SLC22A5: variants seen among roughly 807,000 people sequenced by gnomAD.
The protein encoded by SLC22A5 is organic cation/carnitine transporter 2.
SLC22A5 carries 44 observed loss-of-function variants against 56.7 expected under a neutral mutation model. The ratio of observed to expected loss-of-function variants is 0.78; its 90% CI spans 0.61 to 1.00. SLC22A5 has a LOEUF of 1.00. SLC22A5 is among the 50% of genes least tolerant of loss of function. The pLI, the probability that SLC22A5 is intolerant of heterozygous loss-of-function variation, is 0.00. For synonymous variants in SLC22A5, 278 were observed against 292.1 expected, an observed-to-expected ratio of 0.95 and a Z score of 0.49; for missense variants, 675 against 723.0, an observed-to-expected ratio of 0.93 and a Z score of 0.76.
At chr5:132,378,346 T>G in intron 1 of SLC22A5, 32 bp from the exon 2 acceptor site, 1 of 1,611,770 alleles carries the variant, frequency 6.2e-7, no homozygotes, top group Non-Finnish European at 8.5e-7. Flanking sequence ...TAAAAAGAAG[T>G]GAATGATACA....
Position 132,369,819 on chromosome 5 carries a change from C to T in SLC22A5, c.-154C>T, listed in dbSNP as rs1003593592. 5 of 944,290 alleles carry T rather than the reference C, an allele frequency of 5.3e-6. No individual in the cohort carries two copies. In the African/African-American group the frequency reaches 8.7e-5, roughly 17 times the overall value. The allele number at this position is 944,290 out of a possible 1,614,324, so 58.5% of individuals were successfully genotyped here. ...AAGGCCAGCCGCGGCAGGACCAAGGCGGCGGTGTCAGCTCGCGAGCCTACC... is the reference window on the plus strand; with the variant it reads ...AAGGCCAGCCGCGGCAGGACCAAGGTGGCGGTGTCAGCTCGCGAGCCTACC... On this transcript the variant is annotated 5_prime_UTR_variant, in exon 1 of 10. Coordinates refer to ENST00000245407, the MANE Select transcript of SLC22A5 (RefSeq NM_003060.4).
chr5:132,387,199 T>A, intron 5 of SLC22A5, 48 bp downstream of exon 5: 1 of 1,612,436 alleles, frequency 6.2e-7, no homozygotes, highest in Non-Finnish European at 8.5e-7. Context: ...GACCGTGATT[T>A]GAGAGCAGCA....
Position 132,393,731 on chromosome 5 carries a change from A to G in SLC22A5, c.1506A>G (p.Thr502=), listed in dbSNP as rs2126792698. 6.2e-7 allele frequency: 1 copy of G among 1,614,134 alleles called. No homozygotes were observed. The highest frequency in any genetic ancestry group is 1.1e-5 in the South Asian group (1 of 91,084). ...YILMGSLTIL[T]AILTLFLPES... ...TCATGGGAAGTCTGACCATCCTGAC[A>G]GCCATCCTCACCTTGTTTCTCCCAG... Residue 502 remains threonine, a synonymous_variant, in exon 9 of 10, where the codon ACA becomes ACG. Transcript: ENST00000245407.
At chr5:132,377,552 T>C (rs1752188774) in intron 1 of SLC22A5, 1 of 152,488 alleles carries the variant, frequency 6.6e-6, no homozygotes, top group African/African-American at 2.4e-5. Flanking sequence ...TCCAAGCGTC[T>C]GGCTGCTTCC....
intron 1 of SLC22A5, chr5:132,377,864 T>G: frequency 2.6e-6 from 1 of 384,946 alleles, no homozygotes; most frequent in Non-Finnish European, 4.7e-6. Flanking sequence ...GACCCGGGGG[T>G]CATTGGCCCA....
At chr5:132,392,374 C>A in intron 7 of SLC22A5, 59 bp from the exon 8 acceptor site, 1 of 1,484,626 alleles carries the variant, frequency 6.7e-7, no homozygotes, top group Non-Finnish European at 9.4e-7. Context: ...GTTTTGCTCT[C>A]AATAGCTGCA....
rs553647459 is a variant in SLC22A5 at position 132,370,009 on chromosome 5, G to A, written c.37G>A (p.Glu13Lys). The A allele has an allele frequency of 1.2e-6, 2 of 1,613,318 alleles. No homozygotes were observed. The highest frequency in any genetic ancestry group is 3.3e-5 in the Admixed American group (2 of 60,014). ...DYDEVTAFLG[E>K]WGPFQRLIFF... ...CGACGAGGTGACCGCCTTCCTGGGC[G>A]AGTGGGGGCCCTTCCAGCGCCTCAT... The change falls in exon 1 of 10, where the codon GAG (glutamate) becomes AAG (lysine). Residue 13 changes from glutamate (E) to lysine (K), a missense_variant. Coordinates refer to ENST00000245407, the MANE Select transcript of SLC22A5 (RefSeq NM_003060.4).
intron 6 of SLC22A5, chr5:132,389,249 A>T (rs1283327651): frequency 3.8e-6 from 2 of 521,290 alleles, no homozygotes; most frequent in Non-Finnish European, 7.0e-6. Context: ...TGTGGGAAAT[A>T]TGGACTCTTG....
intron 8 of SLC22A5, 44 bp from the exon 9 acceptor site, chr5:132,393,632 C>T (rs1752779254): frequency 6.2e-7 from 1 of 1,612,804 alleles, no homozygotes; most frequent in African/African-American, 1.3e-5. Flanking sequence ...GAGACCAAGT[C>T]TAACTGCAGC....
chr5:132,392,783 G>T (rs1408747603), intron 8 of SLC22A5, among the ~76,000 whole-genome samples, 168 bp downstream of exon 8: 1 of 152,186 alleles, frequency 6.6e-6, no homozygotes, highest in Non-Finnish European at 1.5e-5. Context: ...CAGTGCACTG[G>T]CCCTCACTTT....
At position 132,385,621 on chromosome 5, in the gene SLC22A5, A is replaced by T. The variant is rs892274340; in HGVS notation, c.824+122A>T. On this transcript the variant is annotated intron_variant, in intron 4 of 9. Coordinates refer to ENST00000245407, the MANE Select transcript of SLC22A5 (RefSeq NM_003060.4). ...CTCCCAGAGACAGGAAGCATAGATT[A>T]TAAATTATTTCAGAATGTTTTCTCC... 40 of 828,780 alleles carry T rather than the reference A, an allele frequency of 4.8e-5. No individual in the cohort carries two copies. In the Admixed American group the frequency reaches 7.6e-4, roughly 16 times the overall value. 51.3% of individuals were successfully genotyped at this position (828,780 alleles called of 1,614,324 possible).
At chr5:132,383,845 A>G (rs749967776) in intron 2 of SLC22A5, 35 of 343,354 alleles carry the variant, frequency 1.0e-4, no homozygotes, top group Non-Finnish European at 9.2e-5. Flanking sequence ...TTTAAAAAAA[A>G]TATCATTATG....
chr5:132,391,740 T>C (rs1752707212), intron 7 of SLC22A5, among the ~76,000 whole-genome samples: 1 of 152,114 alleles, frequency 6.6e-6, no homozygotes, highest in Non-Finnish European at 1.5e-5. Flanking sequence ...ATAGAACAGT[T>C]CATGGGCCCT....
Position 132,393,682 on chromosome 5 carries a change from A to G in SLC22A5, c.1457A>G (p.Tyr486Cys). The G allele has an allele frequency of 6.2e-7, 1 of 1,614,192 alleles. No homozygotes were observed. Among genetic ancestry groups the G allele is most frequent in the African/African-American group, 1.3e-5 (1 of 75,058 alleles). Reference protein sequence around the residue: ...LSPYFVYLGAYDRFLPYILMG... With the variant: ...LSPYFVYLGACDRFLPYILMG... ...TCCGTCTGCTTTGCCATAGGTGCCT[A>G]CGACCGCTTCCTGCCCTACATTCTC... Residue 486 changes from tyrosine (Y) to cysteine (C), a missense_variant, in exon 9 of 10, where the codon TAC (tyrosine) becomes TGC (cysteine). Coordinates refer to ENST00000245407, the MANE Select transcript of SLC22A5 (RefSeq NM_003060.4).
intron 1 of SLC22A5, 117 bp downstream of exon 1, chr5:132,370,482 A>C: frequency 2.5e-5 from 29 of 1,156,836 alleles, no homozygotes; most frequent in Non-Finnish European, 3.6e-5. Flanking sequence ...CCCTCCCCCA[A>C]CGGTCAACAC....
At chr5:132,393,308 G>A (rs1270641513) in intron 8 of SLC22A5, among the ~76,000 whole-genome samples, 3 of 152,196 alleles carry the variant, frequency 2.0e-5, no homozygotes, top group Non-Finnish European at 4.4e-5. Flanking sequence ...TGCAGAGGTG[G>A]AAGAGTTATT....
chr5:132,390,003 C>T (rs946488027), intron 6 of SLC22A5: 1 of 159,122 alleles, frequency 6.3e-6, no homozygotes, highest in Non-Finnish European at 1.4e-5. Context: ...TCAAAACAGT[C>T]TAATCCATAA....
At chr5:132,378,755 A>G (rs936045786) in intron 2 of SLC22A5, 1 of 456,474 alleles carries the variant, frequency 2.2e-6, no homozygotes, top group Non-Finnish European at 4.0e-6. Flanking sequence ...TCACTTCTGC[A>G]GTAGCCTGGC....
chr5:132,393,884 T>A, intron 9 of SLC22A5, 73 bp downstream of exon 9: 1 of 1,558,750 alleles, frequency 6.4e-7, no homozygotes, highest in Non-Finnish European at 8.8e-7. Flanking sequence ...CCCCTCACAA[T>A]AGAGCTACTC....
Sources: gnomAD v4.1 joint callset for allele counts (sites outside exome capture counted in the v4.1 genomes callset) on GRCh38, gnomAD v4.1.1 for gene constraint, MANE v1.5 for transcripts, NCBI Gene and HGNC (gene_info 2026-07-23, HGNC 2026-07-21) for gene names.